USP54: variants seen among roughly 807,000 people sequenced by gnomAD.
USP54 encodes the protein ubiquitin specific peptidase 54, also known as ubiquitin carboxyl-terminal hydrolase 54.
Under a neutral mutation model 170.5 loss-of-function variants are expected in USP54, and 87 were observed. The observed-to-expected ratio is 0.51, with a 90% confidence interval of 0.43 to 0.61. USP54 has a LOEUF of 0.61. Ranked by LOEUF, USP54 falls within the 20% of genes least tolerant of loss-of-function variation. The pLI is 0.00. For missense variants in USP54, 1,786 were observed against 2,047.8 expected (o/e 0.87, Z 2.47); for synonymous variants, 655 against 742.8 (o/e 0.88, Z 1.92).
At chr10:73,539,729 GT>G in intron 9 of USP54, 136 bp from the exon 10 acceptor site, 1 of 999,030 alleles carries the variant, frequency 1.0e-6, no homozygotes, top group Non-Finnish European at 1.4e-6. Flanking sequence ...ATTTTTGTTA[GT>G]TTAGATTAAT....
Position 73,571,426 on chromosome 10 carries a change from G to C in USP54, c.235C>G (p.Leu79Val). 1.2e-6 allele frequency: 2 copies of C among 1,613,344 alleles called. No homozygotes were observed. Among genetic ancestry groups the C allele is most frequent in the Non-Finnish European group, 8.5e-7 (1 of 1,179,580 alleles). Residue 79 changes from leucine (L) to valine (V), a missense_variant, in exon 4 of 24, where the codon CTC becomes GTC. Coordinates refer to ENST00000687698, the MANE Select transcript of USP54 (RefSeq NM_001391956.1). ...CMGDSCIFCALKGIFNQFQCS... is the reference protein window; with the variant it reads ...CMGDSCIFCAVKGIFNQFQCS... Reference sequence around the variant, plus strand: ...AACTAATTGGAAGTACTTACCTTGAGAGCGCAAAAGATGCAGGAATCTCCC... The same window carrying C: ...AACTAATTGGAAGTACTTACCTTGACAGCGCAAAAGATGCAGGAATCTCCC...
intron 1 of USP54, among the ~76,000 whole-genome samples, chr10:73,588,176 T>C (rs2077746746): frequency 6.6e-6 from 1 of 152,136 alleles, no homozygotes; most frequent in Non-Finnish European, 1.5e-5. Context: ...GAAAAGTGTA[T>C]CCTTTTTTTT....
At chr10:73,595,840 T>C (rs1024260800), upstream of USP54, among the ~76,000 whole-genome samples, 10 of 152,196 alleles carry the variant, frequency 6.6e-5, no homozygotes, top group African/African-American at 2.4e-4. Context: ...CCGGGCGCGG[T>C]GGCTCACGCC....
chr10:73,593,756 G>C (rs2078488891), upstream of USP54, among the ~76,000 whole-genome samples: 1 of 152,120 alleles, frequency 6.6e-6, no homozygotes, highest in African/African-American at 2.4e-5. Context: ...TAGTGGGGAG[G>C]GTAATGGAAA....
chr10:73,526,852 C>A, intron 15 of USP54, 72 bp from the exon 16 acceptor site: 1 of 1,500,866 alleles, frequency 6.7e-7, no homozygotes, highest in East Asian at 2.3e-5. Context: ...GACTAAATCT[C>A]TCTCTCAAAA....
At chr10:73,516,104 A>T (rs1230341480) in intron 20 of USP54, among the ~76,000 whole-genome samples, 3 of 152,062 alleles carry the variant, frequency 2.0e-5, no homozygotes, top group Non-Finnish European at 4.4e-5. Flanking sequence ...TTAGCACAGC[A>T]TACTGGAGAA....
intron 4 of USP54, among the ~76,000 whole-genome samples, chr10:73,554,109 TTC>T (rs1227805189): frequency 6.6e-6 from 1 of 152,218 alleles, no homozygotes; most frequent in South Asian, 2.1e-4. Context: ...AGCTGTTTTT[TTC>T]TCTCTCAGGA....
At chr10:73,578,774 G>A (rs2076462859) in intron 1 of USP54, among the ~76,000 whole-genome samples, 1 of 152,120 alleles carries the variant, frequency 6.6e-6, no homozygotes, top group Non-Finnish European at 1.5e-5. Flanking sequence ...AACAAATGAT[G>A]TTGGAACAAT....
chr10:73,570,325 C>T (rs529807045), intron 4 of USP54, among the ~76,000 whole-genome samples: 1 of 151,982 alleles, frequency 6.6e-6, no homozygotes, highest in African/African-American at 2.4e-5. Context: ...AAATCTCTCA[C>T]TTTAGGCCAT....
intron 1 of USP54, among the ~76,000 whole-genome samples, chr10:73,616,195 A>G (rs1457698273): frequency 6.7e-6 from 1 of 149,644 alleles, no homozygotes; most frequent in Admixed American, 6.6e-5. Flanking sequence ...AAAATTAGCC[A>G]GGGATGGTGG....
chr10:73,545,640 T>C lies in USP54; in HGVS notation c.273A>G (p.Glu91=). ...GGAGAGTGTCAGATGGAAGCACTTTTTCACTACTACACTGAAACTGGTTAA... is the reference window on the plus strand; with the variant it reads ...GGAGAGTGTCAGATGGAAGCACTTTCTCACTACTACACTGAAACTGGTTAA... ...GIFNQFQCSS[E]KVLPSDTLRS... is the part of the protein sequence containing the mutation. The change falls in exon 5 of 24, where the codon GAA becomes GAG. Residue 91 remains glutamate (E), a synonymous_variant. Coordinates refer to ENST00000687698, the MANE Select transcript of USP54 (RefSeq NM_001391956.1). The C allele has an allele frequency of 6.2e-7, 1 of 1,614,184 alleles. No homozygotes were observed. Among genetic ancestry groups the C allele is most frequent in the Non-Finnish European group, 8.5e-7 (1 of 1,180,018 alleles).
chr10:73,550,760 T>C (rs1055951498), intron 4 of USP54, among the ~76,000 whole-genome samples: 3 of 152,194 alleles, frequency 2.0e-5, no homozygotes, highest in Non-Finnish European at 4.4e-5. Context: ...TAAGGTAATA[T>C]TACTGGTTAG....
chr10:73,576,781 A>G (rs1408117071), intron 1 of USP54, among the ~76,000 whole-genome samples: 1 of 152,214 alleles, frequency 6.6e-6, no homozygotes, highest in Non-Finnish European at 1.5e-5. Flanking sequence ...GCTTATGAAA[A>G]CGTGCTTAAA....
At chr10:73,605,211 C>T (rs150712573) in intron 1 of USP54, among the ~76,000 whole-genome samples, 23 of 152,238 alleles carry the variant, frequency 1.5e-4, no homozygotes, top group African/African-American at 5.1e-4. Context: ...ACTACAGGCC[C>T]CCGCCACCAT....
upstream of USP54, among the ~76,000 whole-genome samples, chr10:73,593,632 A>G (rs2078479153): frequency 6.6e-6 from 1 of 152,222 alleles, no homozygotes; most frequent in African/African-American, 2.4e-5. Context: ...ACACCACAAT[A>G]GGTCCACCTT....
chr10:73,539,278 CAAAAAAAAAAAAAATT>C (rs1275035031), intron 10 of USP54, among the ~76,000 whole-genome samples, 150 bp downstream of exon 10: 7 of 54,868 alleles, frequency 1.3e-4, no homozygotes, highest in African/African-American at 3.6e-4. Flanking sequence ...GACTCCATCT[CAAAAAAAAAAAAAATT>C]AAAAAAAAAA....
At position 73,504,905 on chromosome 10, in the gene USP54, A is replaced by G; in HGVS notation, c.4256T>C (p.Leu1419Pro). Residue 1419 changes from leucine (L) to proline (P), a missense_variant, in exon 22 of 24, where the codon CTC (leucine) becomes CCC (proline). Leu to Pro is a moderately conservative substitution (Grantham distance 98). Around this residue, in one of 3 missense-constraint regions of USP54, gnomAD observed 1,418 missense variants for 1,569.0 expected, o/e 0.90. Transcript: ENST00000687698. Reference sequence around the variant, plus strand: ...CCTCTCTGAGACAACGGTGCCACTGAGACTGCGTGAGATGCGACGTAAATT... The same window carrying G: ...CCTCTCTGAGACAACGGTGCCACTGGGACTGCGTGAGATGCGACGTAAATT... ...AENLRRISRS[L>P]SGTVVSEREE... 1 of 1,614,142 alleles carries G rather than the reference A, an allele frequency of 6.2e-7. No individual in the cohort carries two copies. The highest frequency in any genetic ancestry group is 1.3e-5 in the African/African-American group (1 of 75,032).
chr10:73,549,554 C>T (rs537893727), intron 4 of USP54, among the ~76,000 whole-genome samples: 3 of 152,166 alleles, frequency 2.0e-5, no homozygotes, highest in Admixed American at 2.0e-4. Flanking sequence ...CACCTGTGAC[C>T]CTTCCCTTGC....
At chr10:73,580,393 AAT>A (rs1357728446) in intron 1 of USP54, among the ~76,000 whole-genome samples, 1 of 151,976 alleles carries the variant, frequency 6.6e-6, no homozygotes, top group African/African-American at 2.4e-5. Flanking sequence ...TCTAAACTTA[AAT>A]ATATAGTCAT....
Sources: allele counts gnomAD v4.1 joint callset (sites outside exome capture counted in the v4.1 genomes callset), GRCh38; gene constraint gnomAD v4.1.1; regional missense constraint gnomAD v4.1.1; transcripts MANE v1.5; gene names NCBI Gene and HGNC (gene_info 2026-07-23, HGNC 2026-07-21).